DLGAP5: variants seen among roughly 807,000 people sequenced by gnomAD.
DLGAP5 encodes DLG associated protein 5.
In DLGAP5, 90 loss-of-function variants were observed where a neutral mutation model predicts 99.6. That is an observed-to-expected ratio of 0.90 (90% CI 0.76 to 1.08). The LOEUF (loss-of-function observed/expected upper bound fraction) is 1.08, where lower values mean the gene tolerates loss of function less well. Among genes scored for constraint, DLGAP5 ranks in the 50% least tolerant of loss-of-function variants. The pLI is 0.00. For missense variants in DLGAP5, 1,036 were observed against 983.5 expected, an observed-to-expected ratio of 1.05 and a Z score of -0.71; for synonymous variants, 311 against 321.3, an observed-to-expected ratio of 0.97 and a Z score of 0.34.
chr14:55,187,416 T>C lies in DLGAP5; in HGVS notation c.238+1526A>G, dbSNP rs141321709. ...TAACTGCAACGTCCACCTCCTGGGT[T>C]CAAGCGATTCTCCTGCCTCGGCCTC... On this transcript the variant is annotated intron_variant, in intron 2 of 18. Coordinates refer to ENST00000247191, the MANE Select transcript of DLGAP5 (RefSeq NM_014750.5). 5.2e-3 allele frequency among the ~76,000 whole-genome samples: 781 copies of C among 151,362 alleles called. 11 individuals carry two copies. The highest frequency in any genetic ancestry group is 0.018 in the African/African-American group (720 of 41,100).
At chr14:55,159,389 T>C (rs149411286) in intron 13 of DLGAP5, among the ~76,000 whole-genome samples, 1 of 152,290 alleles carries the variant, frequency 6.6e-6, no homozygotes, top group Non-Finnish European at 1.5e-5. Flanking sequence ...AAGATTAACA[T>C]CAAGCTGGTG....
chr14:55,151,601 C>G lies in DLGAP5; in HGVS notation c.2368+94G>C. The G allele has an allele frequency of 3.2e-6, 4 of 1,268,558 alleles. No individual in the cohort carries two copies. In the South Asian group the frequency reaches 6.1e-5, roughly 19 times the overall value. The allele number at this position is 1,268,558 out of a possible 1,614,324, so 78.6% of individuals were successfully genotyped here. A position where few individuals can be genotyped will look rare whatever the true frequency, so the allele number is the denominator to read the frequency against. On this transcript the variant is annotated intron_variant, in intron 17 of 18. Coordinates refer to ENST00000247191, the MANE Select transcript of DLGAP5 (RefSeq NM_014750.5). ...AATGAAGGATCCTCAATAGTTAGAT[C>G]TAATGTAAAATGGACCTTATAGGAT...
At position 55,182,414 on chromosome 14, in the gene DLGAP5, G is replaced by T. The variant is rs369854908; in HGVS notation, c.451C>A (p.Arg151=). The T allele has an allele frequency of 1.2e-6, 2 of 1,612,258 alleles. No homozygotes were observed. Among genetic ancestry groups the T allele is most frequent in the Non-Finnish European group, 1.7e-6 (2 of 1,178,924 alleles). The change falls in exon 4 of 19, where the codon CGG becomes AGG. Residue 151 remains arginine (R), a synonymous_variant. Transcript: ENST00000247191. ...EPKKAIPSSV[R]ITRSKAKDQM... ...TCTTTGGCCTTTGACCTTGTAATCC[G>T]TACAGAAGATGGAATAGCCTTAGAA... is the stretch of plus-strand genomic sequence containing the variant.
At chr14:55,188,443 G>A (rs890090643) in intron 2 of DLGAP5, among the ~76,000 whole-genome samples, 1 of 151,942 alleles carries the variant, frequency 6.6e-6, no homozygotes, top group Non-Finnish European at 1.5e-5. Flanking sequence ...CTCATTTCAT[G>A]GATTCTTTAA....
intron 12 of DLGAP5, among the ~76,000 whole-genome samples, chr14:55,168,132 C>G (rs936119418): frequency 3.3e-5 from 5 of 152,056 alleles, no homozygotes; most frequent in Admixed American, 2.0e-4. Flanking sequence ...AGTTTATTTT[C>G]TGTAGAGATG....
At position 55,170,777 on chromosome 14, in the gene DLGAP5, G is replaced by A. The variant is rs1181171420; in HGVS notation, c.1312C>T (p.Gln438Ter). 3 of 1,613,150 alleles carry A rather than the reference G, an allele frequency of 1.9e-6. No individual in the cohort carries two copies. The highest frequency in any genetic ancestry group is 2.5e-6 in the Non-Finnish European group (3 of 1,179,324). ...HGVPYFRNIL[Q>*]SETEKLTSHC... ...GAAGTTAATTTCTCAGTTTCTGACTGGAGGATATTTCTAAAATTATGACAT... is the reference window on the plus strand; with the variant it reads ...GAAGTTAATTTCTCAGTTTCTGACTAGAGGATATTTCTAAAATTATGACAT... Residue 438 changes from glutamine (Q) to a stop codon, truncating the protein, a stop_gained, in exon 11 of 19, where the codon CAG becomes TAG. Coordinates refer to ENST00000247191, the MANE Select transcript of DLGAP5 (RefSeq NM_014750.5). LOFTEE classifies it high-confidence loss of function.
At chr14:55,190,963 T>G (rs528293815) in intron 1 of DLGAP5, 19 of 152,236 alleles carry the variant, frequency 1.2e-4, no homozygotes, top group African/African-American at 2.9e-4. Flanking sequence ...GGTAGTTAAC[T>G]ATTATCGCTC....
At chr14:55,176,930 A>G in intron 8 of DLGAP5, 132 bp downstream of exon 8, 1 of 690,788 alleles carries the variant, frequency 1.4e-6, no homozygotes, top group Non-Finnish European at 2.0e-6. Flanking sequence ...GTGAGGGGAG[A>G]TCACGCCACT....
At chr14:55,165,882 G>C (rs1882625375) in intron 12 of DLGAP5, among the ~76,000 whole-genome samples, 1 of 152,156 alleles carries the variant, frequency 6.6e-6, no homozygotes, top group African/African-American at 2.4e-5. Context: ...ATAAGGGGGG[G>C]CTACTATAAT....
intron 2 of DLGAP5, among the ~76,000 whole-genome samples, chr14:55,185,298 C>G (rs956463140): frequency 2.6e-5 from 4 of 152,192 alleles, no homozygotes; most frequent in African/African-American, 9.6e-5. Flanking sequence ...CTCCCGGGTT[C>G]AAGCGATTCT....
intron 14 of DLGAP5, 138 bp downstream of exon 14, chr14:55,158,384 C>G: frequency 1.4e-6 from 1 of 698,450 alleles, no homozygotes; most frequent in Non-Finnish European, 2.3e-6. Context: ...AGTCTATTTT[C>G]TAAAAATCAC....
intron 10 of DLGAP5, among the ~76,000 whole-genome samples, chr14:55,173,186 A>G (rs1430790703): frequency 6.7e-6 from 1 of 150,362 alleles, no homozygotes; most frequent in Middle Eastern, 3.3e-3. Flanking sequence ...TGTAATCCTA[A>G]CAGTATGGGA....
chr14:55,167,923 G>C (rs1345120892), intron 12 of DLGAP5, among the ~76,000 whole-genome samples: 1 of 152,150 alleles, frequency 6.6e-6, no homozygotes, highest in Non-Finnish European at 1.5e-5. Flanking sequence ...AATTATGTAA[G>C]TTGCTGTGGG....
intron 12 of DLGAP5, among the ~76,000 whole-genome samples, chr14:55,163,545 G>A (rs527398524): frequency 1.3e-5 from 2 of 152,274 alleles, no homozygotes; most frequent in East Asian, 3.9e-4. Context: ...CATTTGGAGC[G>A]CAATTGCTAG....
chr14:55,188,124 G>C (rs1883489498), intron 2 of DLGAP5, among the ~76,000 whole-genome samples: 1 of 152,118 alleles, frequency 6.6e-6, no homozygotes, highest in Non-Finnish European at 1.5e-5. Context: ...AAAAATGTTT[G>C]GTTCTTTCTG....
At chr14:55,169,102 G>C (rs1025655303) in intron 12 of DLGAP5, among the ~76,000 whole-genome samples, 3 of 148,972 alleles carry the variant, frequency 2.0e-5, no homozygotes, top group Non-Finnish European at 4.5e-5. Flanking sequence ...TGTGAACCTG[G>C]GGGGCAGAGA....
intron 18 of DLGAP5, 194 bp downstream of exon 18, chr14:55,150,605 G>T (rs192235318): frequency 9.3e-5 from 35 of 378,244 alleles, no homozygotes; most frequent in African/African-American, 7.5e-4. Flanking sequence ...TATCTTCAGG[G>T]TTAATATTAA....
At chr14:55,190,347 C>G (rs563957686) in intron 1 of DLGAP5, among the ~76,000 whole-genome samples, 8 of 151,710 alleles carry the variant, frequency 5.3e-5, no homozygotes, top group African/African-American at 1.7e-4. Context: ...TTGGCACATG[C>G]CTTTTTCTTG....
intron 12 of DLGAP5, among the ~76,000 whole-genome samples, chr14:55,166,726 T>A (rs776856910): frequency 1.3e-5 from 2 of 150,962 alleles, no homozygotes; most frequent in African/African-American, 2.4e-5. Context: ...TGAAACTCCA[T>A]CTCAAAAAAA....
Sources: allele counts gnomAD v4.1 joint callset (sites outside exome capture counted in the v4.1 genomes callset), GRCh38; gene constraint gnomAD v4.1.1; transcripts MANE v1.5; gene names NCBI Gene and HGNC (gene_info 2026-07-23, HGNC 2026-07-21).